TMEM266: variants seen among roughly 807,000 people sequenced by gnomAD.
The protein encoded by TMEM266 is Hv1 related protein 1.
TMEM266 carries 33 observed loss-of-function variants against 50.5 expected under a neutral mutation model. That is an observed-to-expected ratio of 0.65 (90% CI 0.50 to 0.87). The LOEUF (loss-of-function observed/expected upper bound fraction) is 0.87. Ranked by LOEUF, TMEM266 falls within the 40% of genes least tolerant of loss-of-function variation. TMEM266 has a pLI of 0.00. For synonymous variants in TMEM266, 310 were observed against 292.3 expected (o/e 1.06, Z -0.62); for missense variants, 655 against 695.1 (o/e 0.94, Z 0.65).
At chr15:76,102,786 C>A (rs1212098188) in intron 1 of TMEM266, among the ~76,000 whole-genome samples, 1 of 149,436 alleles carries the variant, frequency 6.7e-6, no homozygotes, top group Non-Finnish European at 1.5e-5. Flanking sequence ...TTGCAGTGAG[C>A]CAAGATGATG....
intron 8 of TMEM266, chr15:76,175,884 T>G: frequency 2.1e-6 from 1 of 486,216 alleles, no homozygotes; most frequent in Admixed American, 3.6e-5. Flanking sequence ...GACTCAACCC[T>G]GACTCCCAGG....
At chr15:76,200,241 G>A (rs904356296) in intron 9 of TMEM266, among the ~76,000 whole-genome samples, 18 of 152,126 alleles carry the variant, frequency 1.2e-4, no homozygotes, top group Non-Finnish European at 2.5e-4. Context: ...CTCTCAGGCC[G>A]GTATCCAGGG....
intron 1 of TMEM266, among the ~76,000 whole-genome samples, chr15:76,098,537 C>T (rs1227041853): frequency 6.6e-6 from 1 of 152,076 alleles, no homozygotes; most frequent in African/African-American, 2.4e-5. Flanking sequence ...GAGCTGTCTC[C>T]CAGTTAGGAT....
At chr15:76,203,683 A>G in intron 10 of TMEM266, 58 bp from the exon 11 acceptor site, 1 of 1,522,774 alleles carries the variant, frequency 6.6e-7, no homozygotes, top group Non-Finnish European at 9.0e-7. Flanking sequence ...TGCTCTCTTC[A>G]GGGCCCCCAG....
intron 1 of TMEM266, among the ~76,000 whole-genome samples, chr15:76,065,654 G>A (rs2036399689): frequency 6.6e-6 from 1 of 152,158 alleles, no homozygotes; most frequent in African/African-American, 2.4e-5. Flanking sequence ...CGGTAAAATG[G>A]GGAGAAGAGT....
intron 3 of TMEM266, among the ~76,000 whole-genome samples, chr15:76,152,914 T>TG (rs1214364649): frequency 2.0e-5 from 3 of 152,068 alleles, no homozygotes; most frequent in Non-Finnish European, 4.4e-5. Flanking sequence ...TAGCTGATGG[T>TG]GGGGGCGGCG....
chr15:76,169,986 C>A, intron 6 of TMEM266, 114 bp downstream of exon 6: 3 of 1,108,178 alleles, frequency 2.7e-6, no homozygotes, highest in Non-Finnish European at 2.7e-6. Flanking sequence ...TTCCTTCTCC[C>A]ACTTGACCTC....
chr15:76,106,876 TA>T (rs2037089249), intron 1 of TMEM266, among the ~76,000 whole-genome samples: 1 of 152,260 alleles, frequency 6.6e-6, no homozygotes, highest in Non-Finnish European at 1.5e-5. Context: ...AATTTTCAAG[TA>T]TACTATCTAT....
intron 8 of TMEM266, among the ~76,000 whole-genome samples, chr15:76,185,178 A>G (rs2038475119): frequency 6.6e-6 from 1 of 151,766 alleles, no homozygotes; most frequent in Admixed American, 6.6e-5. Flanking sequence ...TAGATTTGGG[A>G]AGTTCTTGGC....
In TMEM266 at chr15:76,153,050, G is replaced by A. The variant is rs1419941492; in HGVS notation, c.228-3554G>A. Among the ~76,000 whole-genome samples, 2 of 151,940 alleles carry A rather than the reference G, an allele frequency of 1.3e-5. No individual in the cohort carries two copies. The highest frequency in any genetic ancestry group is 1.9e-4 in the East Asian group (1 of 5,178). On this transcript the variant is annotated intron_variant, in intron 3 of 10. Transcript: ENST00000388942. This position sits in a 1 kb window ranked among gnomAD's most constrained non-coding sequence, Gnocchi z 4.2. ...TGGTGTCAGGGCCAGGCCAACTATG[G>A]GCTGACTTCAGACCACAGGTAACTC...
chr15:76,167,171 C>T (rs2038110355), intron 5 of TMEM266, among the ~76,000 whole-genome samples: 1 of 152,164 alleles, frequency 6.6e-6, no homozygotes, highest in East Asian at 1.9e-4. Context: ...GGTTGGGCAG[C>T]AACAAAAGAA....
intron 1 of TMEM266, among the ~76,000 whole-genome samples, chr15:76,097,730 C>T (rs1428392870): frequency 4.6e-5 from 7 of 152,066 alleles, no homozygotes; most frequent in Admixed American, 4.6e-4. Context: ...CTGTCACTTT[C>T]AGATACACCA....
intron 1 of TMEM266, among the ~76,000 whole-genome samples, chr15:76,067,687 GTT>G (rs200991149): frequency 7.5e-6 from 1 of 133,502 alleles, no homozygotes; most frequent in Non-Finnish European, 1.6e-5. Flanking sequence ...TCATTCTTGG[GTT>G]TTTTTTTTTT....
rs555330981 is a variant in TMEM266, at chr15:76,105,321, C to T, written c.-96-28847C>T. Among the ~76,000 whole-genome samples, 15 of 152,330 alleles carry T rather than the reference C, an allele frequency of 9.8e-5. 1 individual carries two copies. The South Asian group carries it at 2.7e-3, about 27-fold the overall frequency. On this transcript the variant is annotated intron_variant, in intron 1 of 10. Coordinates refer to ENST00000388942, the MANE Select transcript of TMEM266 (RefSeq NM_152335.3). ...GTGAGCCCCACAAACCATGGTCCTC[C>T]AAGGCACAGCCTGGGGTCCCCCTCT...
chr15:76,129,925 G>T (rs1051248570), intron 1 of TMEM266, among the ~76,000 whole-genome samples: 2 of 151,942 alleles, frequency 1.3e-5, no homozygotes, highest in Non-Finnish European at 2.9e-5. Flanking sequence ...GATATTTAAT[G>T]ATATAAAGAA....
chr15:76,188,573 G>A (rs1325415703), intron 8 of TMEM266, among the ~76,000 whole-genome samples: 1 of 152,082 alleles, frequency 6.6e-6, no homozygotes, highest in Non-Finnish European at 1.5e-5. Context: ...ATTTACTCCA[G>A]CCCGGGTGAC....
rs2038585031 is a variant in TMEM266, at chr15:76,192,124, G to C, written c.925G>C (p.Glu309Gln). ...CACGTGGGACGAGGAGACGGCGGCC[G>C]AGAGCGTCGTGGAGGAGCTGCAGCC... Residue 309 changes from glutamate (E) to glutamine (Q), a missense_variant, in exon 9 of 11, where the codon GAG becomes CAG. Physicochemically the swap from Glu to Gln is conservative, Grantham distance 29 (BLOSUM62 2). This residue lies in a region of TMEM266 where 455 missense variants were observed against 401.8 expected (regional missense o/e 1.13). Transcript: ENST00000388942. The C allele has an allele frequency of 7.1e-7, 1 of 1,412,706 alleles. No homozygotes were observed. Among genetic ancestry groups the C allele is most frequent in the East Asian group, 3.0e-5 (1 of 33,784 alleles). 87.5% of individuals were successfully genotyped at this position (1,412,706 alleles called of 1,614,324 possible). A position where few individuals can be genotyped will look rare whatever the true frequency, so the allele number is the denominator to read the frequency against.
At chr15:76,124,161 G>A (rs988754126) in intron 1 of TMEM266, among the ~76,000 whole-genome samples, 2 of 152,194 alleles carry the variant, frequency 1.3e-5, no homozygotes, top group African/African-American at 4.8e-5. Flanking sequence ...TTAGAAAGAT[G>A]CCTCCTGAAT....
chr15:76,204,062 C>G lies in TMEM266; in HGVS notation c.1343C>G (p.Ser448Trp), dbSNP rs368038771. ...GTCCAGGACCTGCTGTCCTCCCTGT[C>G]GGAGGACCCCTGCCCTTCCCAGAAG... Residue 448 changes from serine (S) to tryptophan (W), a missense_variant, in exon 11 of 11, where the codon TCG (serine) becomes TGG (tryptophan). By Grantham distance (177) the Ser-to-Trp change is radical. This residue lies in a region of TMEM266 where 455 missense variants were observed against 401.8 expected (regional missense o/e 1.13). Transcript: ENST00000388942. 3.7e-6 allele frequency: 6 copies of G among 1,612,260 alleles called. No individual in the cohort carries two copies. The highest frequency in any genetic ancestry group is 2.2e-5 in the East Asian group (1 of 44,808).
Sources: gnomAD v4.1 joint callset for allele counts (sites outside exome capture counted in the v4.1 genomes callset) on GRCh38, gnomAD v4.1.1 for gene constraint, gnomAD v4.1.1 regional missense constraint, Gnocchi (gnomAD v3.1) non-coding constraint, MANE v1.5 for transcripts, NCBI Gene and HGNC (gene_info 2026-07-23, HGNC 2026-07-21) for gene names.